Variants in TMEM145 observed in about 807,000 individuals in gnomAD.
TMEM145 encodes the protein transmembrane protein 145.
A neutral mutation model predicts 68.5 loss-of-function variants in TMEM145; 46 were observed. The ratio of observed to expected loss-of-function variants is 0.67; its 90% CI spans 0.53 to 0.86. The LOEUF is 0.86. Among genes scored for constraint, TMEM145 ranks in the 40% least tolerant of loss-of-function variants. The pLI is 0.00. For missense variants in TMEM145, 570 were observed against 645.8 expected, an observed-to-expected ratio of 0.88 and a Z score of 1.27; for synonymous variants, 255 against 280.2, an observed-to-expected ratio of 0.91 and a Z score of 0.90.
intron 10 of TMEM145, 23 bp from the exon 11 acceptor site, chr19:42,316,847 C>T: frequency 1.9e-6 from 3 of 1,612,536 alleles, no homozygotes; most frequent in Non-Finnish European, 2.5e-6. Flanking sequence ...ACCCTGCTGT[C>T]TCCCCTCATG....
intron 13 of TMEM145, among the ~76,000 whole-genome samples, chr19:42,321,947 CG>C (rs1388442949): frequency 6.6e-6 from 1 of 152,190 alleles, no homozygotes. Context: ...GGAGAAGTGA[CG>C]TGCCAGGGCT....
At position 42,313,609 on chromosome 19, in the gene TMEM145, G is replaced by A; in HGVS notation, c.120+113G>A. On this transcript the variant is annotated intron_variant, in intron 1 of 14. Coordinates refer to ENST00000301204, the MANE Select transcript of TMEM145 (RefSeq NM_173633.3). This position sits in a 1 kb window ranked among gnomAD's most constrained non-coding sequence, Gnocchi z 5.1. ...CCGCCCCTCCTGGCGGACTCCGGGA[G>A]CCTCGGGGGAGTGGGGCCGAGGGCG... 1 of 870,614 alleles carries A rather than the reference G, an allele frequency of 1.1e-6. No homozygotes were observed. Among genetic ancestry groups the A allele is most frequent in the Non-Finnish European group, 1.5e-6 (1 of 655,336 alleles). 53.9% of individuals were successfully genotyped at this position (870,614 alleles called of 1,614,324 possible). A position where few individuals can be genotyped will look rare whatever the true frequency, so the allele number is the denominator to read the frequency against.
Position 42,315,457 on chromosome 19 carries a change from C to T in TMEM145, c.646+17C>T. Reference sequence around the variant, plus strand: ...GAGTAGAGGGTGAGGTTCCGTGTCCCAACTTTTGGGTTCTGAAAGAGAAGG... The same window carrying T: ...GAGTAGAGGGTGAGGTTCCGTGTCCTAACTTTTGGGTTCTGAAAGAGAAGG... On this transcript the variant is annotated intron_variant, in intron 8 of 14. Transcript: ENST00000301204. 6.2e-7 allele frequency: 1 copy of T among 1,613,826 alleles called. No individual in the cohort carries two copies. The highest frequency in any genetic ancestry group is 8.5e-7 in the Non-Finnish European group (1 of 1,179,906).
At position 42,317,367 on chromosome 19, in the gene TMEM145, G is replaced by A. The variant is rs539067295; in HGVS notation, c.901-342G>A. Among the ~76,000 whole-genome samples, 5 of 152,262 alleles carry A rather than the reference G, an allele frequency of 3.3e-5. No individual in the cohort carries two copies. The East Asian group carries it at 7.7e-4, about 24-fold the overall frequency. ...TGGAGCCCCTCTAAGGCTTTCTATCGTCTGTATGGCTTTGGCCAAAGGGCT... is the reference window on the plus strand; with the variant it reads ...TGGAGCCCCTCTAAGGCTTTCTATCATCTGTATGGCTTTGGCCAAAGGGCT... On this transcript the variant is annotated intron_variant, in intron 11 of 14. Transcript: ENST00000301204.
rs962804520 is a variant in TMEM145 at position 42,313,564 on chromosome 19, G to C, written c.120+68G>C. On this transcript the variant is annotated intron_variant, in intron 1 of 14. Transcript: ENST00000301204. This position sits in a 1 kb window ranked among gnomAD's most constrained non-coding sequence, Gnocchi z 5.1. ...GGGACGCAAGGGAGGCGAGGGGAGC[G>C]GGTACCGCCTCGCCCCCTGCCGCCC... 33 of 1,186,764 alleles carry C rather than the reference G, an allele frequency of 2.8e-5. No homozygotes were observed. The highest frequency in any genetic ancestry group is 2.8e-5 in the Non-Finnish European group (26 of 937,702). The allele number at this position is 1,186,764 out of a possible 1,614,324, so 73.5% of individuals were successfully genotyped here.
At chr19:42,320,292 T>C (rs1568548805) in intron 12 of TMEM145, 25 bp from the exon 13 acceptor site, 10 of 1,613,182 alleles carry the variant, frequency 6.2e-6, no homozygotes, top group South Asian at 1.1e-5. Flanking sequence ...GCAGTGTCTC[T>C]ACTGACCCAA....
At chr19:42,315,813 C>A (rs1200323307) in intron 8 of TMEM145, among the ~76,000 whole-genome samples, 1 of 152,054 alleles carries the variant, frequency 6.6e-6, no homozygotes, top group Non-Finnish European at 1.5e-5. Flanking sequence ...GGGCGGATCA[C>A]GAGGCCAGGA....
Position 42,315,379 on chromosome 19 carries a change from G to A in TMEM145, c.585G>A (p.Leu195=), listed in dbSNP as rs1198267251. The A allele has an allele frequency of 6.2e-6, 10 of 1,614,186 alleles. No individual in the cohort carries two copies. The Admixed American group carries it at 6.7e-5, about 11-fold the overall frequency. The change falls in exon 8 of 15, where the codon CTG becomes CTA. Residue 195 remains leucine, a synonymous_variant. Transcript: ENST00000301204. ...CCCTACCTTGCTTCCTAGATTTGCT[G>A]AAAGGTCGTCAGTTGCTCCACACAA... is the stretch of plus-strand genomic sequence containing the variant. ...FFLSCYFGYL[L]KGRQLLHTTY...
At position 42,313,695 on chromosome 19, in the gene TMEM145, G is replaced by T. The variant is rs952747459; in HGVS notation, c.120+199G>T. 1.3e-5 allele frequency among the ~76,000 whole-genome samples: 2 copies of T among 152,146 alleles called. No individual in the cohort carries two copies. Among genetic ancestry groups the T allele is most frequent in the South Asian group, 2.1e-4 (1 of 4,832 alleles). On this transcript the variant is annotated intron_variant, in intron 1 of 14. Transcript: ENST00000301204. This position sits in a 1 kb window ranked among gnomAD's most constrained non-coding sequence, Gnocchi z 5.1. ...CCGTAGGGTCGCGGCCAGACCTGGG[G>T]GTTGTAGGAGGGACGTTGAGGTCAG...
rs754093486 is a variant in TMEM145 at position 42,323,806 on chromosome 19, C to T, written c.1401+17C>T. ...GCCACCTCCGTAAGCCCCGCGGCCC[C>T]AGCGCCCGAGGAGCTGCTGGCGCCG... On this transcript the variant is annotated intron_variant, in intron 14 of 14. Coordinates refer to ENST00000301204, the MANE Select transcript of TMEM145 (RefSeq NM_173633.3). 15 of 1,611,858 alleles carry T rather than the reference C, an allele frequency of 9.3e-6. No individual in the cohort carries two copies. Among genetic ancestry groups the T allele is most frequent in the African/African-American group, 1.3e-5 (1 of 74,790 alleles).
intron 12 of TMEM145, 126 bp from the exon 13 acceptor site, chr19:42,320,191 C>T: frequency 7.6e-7 from 1 of 1,312,950 alleles, no homozygotes; most frequent in South Asian, 1.3e-5. Flanking sequence ...CTGAAGGTCA[C>T]ACTGGCTTCC....
intron 8 of TMEM145, among the ~76,000 whole-genome samples, chr19:42,315,959 G>A (rs911740462): frequency 2.6e-4 from 40 of 152,242 alleles, no homozygotes; most frequent in African/African-American, 8.9e-4. Flanking sequence ...GAACCCGGGA[G>A]GTGGAGATTG....
intron 13 of TMEM145, chr19:42,320,942 T>C (rs2038905588): frequency 2.5e-6 from 1 of 398,744 alleles, no homozygotes. Context: ...GCCCATTTTC[T>C]TCTGTTCCCC....
rs777631028 is a variant in TMEM145, at chr19:42,314,558, GA to G, written c.273+31del. On this transcript the variant is annotated intron_variant, in intron 3 of 14. Coordinates refer to ENST00000301204, the MANE Select transcript of TMEM145 (RefSeq NM_173633.3). The stretch of plus-strand genomic sequence containing the variant: ...GGGCTGTGAAGAGGGCATAGGGGGA[GA>G]GGGGAGAAGGTCGTTGCTGGCCGGG... 8.7e-6 allele frequency: 14 copies of G among 1,614,176 alleles called. No homozygotes were observed. In the South Asian group the frequency reaches 1.5e-4, roughly 18 times the overall value.
At chr19:42,320,752 C>T (rs13343719) in intron 13 of TMEM145, among the ~76,000 whole-genome samples, 2 of 152,050 alleles carry the variant, frequency 1.3e-5, no homozygotes, top group South Asian at 2.1e-4. Flanking sequence ...CTCAGCCTCC[C>T]GAGTAGCTGG....
chr19:42,324,125 G>T (rs1464173427), intron 14 of TMEM145, among the ~76,000 whole-genome samples: 2 of 151,862 alleles, frequency 1.3e-5, no homozygotes, highest in African/African-American at 4.8e-5. Flanking sequence ...TGGCCCCGCT[G>T]CCCAGGCGCC....
intron 13 of TMEM145, among the ~76,000 whole-genome samples, chr19:42,322,182 C>T (rs529437916): frequency 6.6e-5 from 10 of 152,272 alleles, no homozygotes; most frequent in African/African-American, 1.9e-4. Context: ...GGTACAGACT[C>T]GCTCACCTTC....
In TMEM145 at chr19:42,317,730, C is replaced by A; in HGVS notation, c.922C>A (p.Leu308Met). Residue 308 changes from leucine to methionine, a missense_variant, in exon 12 of 15, where the codon CTG becomes ATG. Physicochemically the swap from Leu to Met is conservative, Grantham distance 15 (BLOSUM62 2). Transcript: ENST00000301204. ...CTAGTTCTTTGACCCAGGCCAGGTA[C>A]TGTACACGTATGAGTCGCCGGCCGG... ...EAEFFDPGQV[L>M]YTYESPAGYG... 1 of 1,614,206 alleles carries A rather than the reference C, an allele frequency of 6.2e-7. No homozygotes were observed. Among genetic ancestry groups the A allele is most frequent in the Non-Finnish European group, 8.5e-7 (1 of 1,180,030 alleles).
chr19:42,320,382 A>G lies in TMEM145; in HGVS notation c.1139A>G (p.Lys380Arg), dbSNP rs1186436135. 2.5e-6 allele frequency: 4 copies of G among 1,614,026 alleles called. No homozygotes were observed. Among genetic ancestry groups the G allele is most frequent in the African/African-American group, 1.3e-5 (1 of 74,930 alleles). Residue 380 changes from lysine to arginine, a missense_variant, in exon 13 of 15, where the codon AAG becomes AGG. Lys to Arg is a conservative substitution (Grantham distance 26). Transcript: ENST00000301204. ...NFGIPKWARE[K>R]IVNGIQLGIH... The stretch of plus-strand genomic sequence containing the variant: ...GGCATCCCCAAGTGGGCCCGGGAGA[A>G]GATTGTCAATGGCATCCAGCTGGGG...
Sources: allele counts gnomAD v4.1 joint callset (sites outside exome capture counted in the v4.1 genomes callset), GRCh38; gene constraint gnomAD v4.1.1; non-coding constraint Gnocchi (gnomAD v3.1); transcripts MANE v1.5; gene names NCBI Gene and HGNC (gene_info 2026-07-23, HGNC 2026-07-21).